The following FBXO42 variants were observed in gnomAD, a reference collection of about 807,000 sequenced individuals.
FBXO42 encodes F-box protein 42, also known as F-box only protein 42.
A neutral mutation model predicts 71.7 loss-of-function variants in FBXO42; 12 were observed. The ratio of observed to expected loss-of-function variants is 0.17; its 90% confidence interval spans 0.11 to 0.27. The LOEUF is 0.27. Among genes scored for constraint, FBXO42 ranks in the 10% least tolerant of loss-of-function variants. The pLI, the probability that FBXO42 is intolerant of heterozygous loss-of-function variation, is 1.00. For missense variants in FBXO42, 707 were observed against 911.9 expected, an observed-to-expected ratio of 0.78 and a Z score of 2.89; for synonymous variants, 325 against 327.5, an observed-to-expected ratio of 0.99 and a Z score of 0.08.
intron 4 of FBXO42, among the ~76,000 whole-genome samples, chr1:16,270,751 T>TATACAC (rs1553150255): frequency 2.7e-5 from 3 of 111,002 alleles, no homozygotes; most frequent in African/African-American, 1.1e-4. Context: ...TACCATGAGA[T>TATACAC]ACACACACAC....
intron 1 of FBXO42, among the ~76,000 whole-genome samples, chr1:16,350,754 AAAAAAAGAAAG>A (rs1557612340): frequency 1.6e-5 from 2 of 121,410 alleles, no homozygotes; most frequent in Non-Finnish European, 3.6e-5. Flanking sequence ...AAAAAAAAAA[AAAAAAAGAAAG>A]AAAGAAAGAA....
chr1:16,262,280 C>T (rs1353793941), intron 4 of FBXO42, among the ~76,000 whole-genome samples: 1 of 152,206 alleles, frequency 6.6e-6, no homozygotes, highest in Non-Finnish European at 1.5e-5. Context: ...GCCTCAGCCT[C>T]CTGAGTAGCT....
intron 4 of FBXO42, among the ~76,000 whole-genome samples, chr1:16,289,851 G>A (rs377237385): frequency 9.9e-5 from 15 of 152,182 alleles, no homozygotes; most frequent in South Asian, 6.2e-4. Context: ...GGAGGTCGAG[G>A]CTACAGGGAG....
intron 4 of FBXO42, among the ~76,000 whole-genome samples, chr1:16,281,151 G>A (rs2081959284): frequency 6.6e-6 from 1 of 152,020 alleles, no homozygotes; most frequent in East Asian, 1.9e-4. Context: ...TAGTAGAGAC[G>A]GGGTTTCTCC....
chr1:16,320,343 A>G (rs906002411), intron 1 of FBXO42, among the ~76,000 whole-genome samples: 2 of 144,604 alleles, frequency 1.4e-5, no homozygotes, highest in African/African-American at 5.1e-5. Flanking sequence ...CCTGGGCAAC[A>G]AGAGCAAACT....
In FBXO42 at chr1:16,345,205, C is replaced by CTT. The variant is rs1466197391; in HGVS notation, c.-18+7049_-18+7050insAA. 3.4e-5 allele frequency among the ~76,000 whole-genome samples: 5 copies of CTT among 149,098 alleles called. No homozygotes were observed. The East Asian group carries it at 1.0e-3, about 31-fold the overall frequency. On this transcript the variant is annotated intron_variant, in intron 1 of 9. Coordinates refer to ENST00000375592, the MANE Select transcript of FBXO42 (RefSeq NM_018994.3). ...TTGGGAGACCAAGGCAGGCGGATCA[C>CTT]GAGGCCAGGAGTTCGAGACCAGCCT...
chr1:16,318,382 C>T (rs11583103), intron 1 of FBXO42, among the ~76,000 whole-genome samples: 1 of 152,056 alleles, frequency 6.6e-6, no homozygotes, highest in Non-Finnish European at 1.5e-5. Context: ...CGCTCCACTG[C>T]ACTCCAGCCT....
At chr1:16,342,071 G>A (rs2082610230) in intron 1 of FBXO42, among the ~76,000 whole-genome samples, 1 of 151,488 alleles carries the variant, frequency 6.6e-6, no homozygotes, top group Non-Finnish European at 1.5e-5. Context: ...GAGCCCAGGG[G>A]TTCAGGACCA....
intron 6 of FBXO42, 45 bp downstream of exon 6, chr1:16,255,666 A>G: frequency 1.3e-6 from 2 of 1,494,824 alleles, no homozygotes; most frequent in Non-Finnish European, 1.9e-6. Context: ...TATTCCCAGG[A>G]GTATTTACCT....
At chr1:16,296,146 T>C (rs2082127443) in intron 3 of FBXO42, among the ~76,000 whole-genome samples, 1 of 152,236 alleles carries the variant, frequency 6.6e-6, no homozygotes, top group African/African-American at 2.4e-5. Context: ...CTCTATCCTT[T>C]GGAAATGACG....
At chr1:16,314,218 G>T (rs1473101277) in intron 2 of FBXO42, among the ~76,000 whole-genome samples, 1 of 152,124 alleles carries the variant, frequency 6.6e-6, no homozygotes, top group Admixed American at 6.6e-5. Context: ...GCAAAGTGCT[G>T]GGATTACTGG....
intron 2 of FBXO42, 47 bp from the exon 3 acceptor site, chr1:16,305,966 C>T (rs374698144): frequency 8.5e-5 from 107 of 1,260,730 alleles, no homozygotes; most frequent in Middle Eastern, 6.8e-4. Context: ...TTAACTTATC[C>T]ATCAAATTAT....
At chr1:16,338,296 T>C (rs2100625454) in intron 1 of FBXO42, among the ~76,000 whole-genome samples, 1 of 148,200 alleles carries the variant, frequency 6.7e-6, no homozygotes, top group Admixed American at 6.9e-5. Flanking sequence ...AGCACTGAAG[T>C]TGAGGCTGCA....
intron 1 of FBXO42, among the ~76,000 whole-genome samples, chr1:16,351,693 C>A (rs1027930174): frequency 2.0e-5 from 3 of 152,166 alleles, no homozygotes; most frequent in Admixed American, 2.0e-4. Flanking sequence ...ACAGTCACAG[C>A]ATGGATTGCT....
At chr1:16,309,818 G>A (rs1411591192) in intron 2 of FBXO42, among the ~76,000 whole-genome samples, 3 of 151,978 alleles carry the variant, frequency 2.0e-5, no homozygotes, top group Admixed American at 6.6e-5. Flanking sequence ...GCCGAGGTGG[G>A]TGATCACTTG....
At chr1:16,305,982 C>G (rs916539618) in intron 2 of FBXO42, 63 bp from the exon 3 acceptor site, 1 of 1,132,828 alleles carries the variant, frequency 8.8e-7, no homozygotes, top group African/African-American at 1.5e-5. Flanking sequence ...ATTATTAAAA[C>G]TGTGTCTATT....
intron 4 of FBXO42, among the ~76,000 whole-genome samples, chr1:16,288,307 G>A (rs1365565056): frequency 6.6e-6 from 1 of 152,070 alleles, no homozygotes; most frequent in African/African-American, 2.4e-5. Flanking sequence ...GCACATGCCT[G>A]TAACCCCAGC....
intron 3 of FBXO42, among the ~76,000 whole-genome samples, chr1:16,298,628 G>C (rs1033113447): frequency 1.3e-5 from 2 of 151,908 alleles, no homozygotes; most frequent in African/African-American, 4.8e-5. Context: ...TCCTGCCTCA[G>C]CCTCCCAAGT....
At chr1:16,304,354 G>A (rs188284895) in intron 3 of FBXO42, among the ~76,000 whole-genome samples, 7 of 151,948 alleles carry the variant, frequency 4.6e-5, no homozygotes, top group Admixed American at 1.3e-4. Context: ...CCTGACCTCA[G>A]GTGATCAGCC....
Sources: allele counts gnomAD v4.1 joint callset (sites outside exome capture counted in the v4.1 genomes callset), GRCh38; gene constraint gnomAD v4.1.1; transcripts MANE v1.5; gene names NCBI Gene and HGNC (gene_info 2026-07-23, HGNC 2026-07-21).